KLHL22: variants seen among roughly 807,000 people sequenced by gnomAD.
The protein encoded by KLHL22 is kelch-like protein 22.
KLHL22 carries 18 observed loss-of-function variants against 60.7 expected under a neutral mutation model. The observed-to-expected ratio is 0.30, with a 90% CI of 0.20 to 0.44. KLHL22 has a LOEUF of 0.44. Among genes scored for constraint, KLHL22 ranks in the 20% least tolerant of loss-of-function variants. The pLI, the probability that KLHL22 is intolerant of heterozygous loss-of-function variation, is 1.00. For missense variants in KLHL22, 596 were observed against 852.3 expected (o/e 0.70, Z 3.74); for synonymous variants, 355 against 354.5 (o/e 1.00, Z -0.01).
Position 20,472,545 on chromosome 22 carries a change from G to A in KLHL22, c.228-1030C>T, listed in dbSNP as rs187259546. On this transcript the variant is annotated intron_variant, in intron 2 of 6. Transcript: ENST00000328879. ...GTTCAAGACCAGCCTGGCCAACATG[G>A]TGAAACCCCGTCTCTACTAAAAATA... Among the ~76,000 whole-genome samples, 6 of 152,288 alleles carry A rather than the reference G, an allele frequency of 3.9e-5. No individual in the cohort carries two copies. In the East Asian group the frequency reaches 1.2e-3, roughly 29 times the overall value.
chr22:20,489,978 C>G, intron 1 of KLHL22: 1 of 359,276 alleles, frequency 2.8e-6, no homozygotes, highest in South Asian at 2.1e-5. Context: ...AAACCGCAAA[C>G]TGATTTGAAT....
intron 4 of KLHL22, among the ~76,000 whole-genome samples, chr22:20,458,220 C>G (rs1048292813): frequency 6.6e-6 from 1 of 151,688 alleles, no homozygotes. Flanking sequence ...GAAGGAATGG[C>G]CAGGAGCCTC....
chr22:20,483,003 C>T (rs756110322), intron 2 of KLHL22: 2 of 703,232 alleles, frequency 2.8e-6, no homozygotes, highest in African/African-American at 1.7e-5. Context: ...TTGACCTTAA[C>T]GTTCACCAGG....
Position 20,442,203 on chromosome 22 carries a change from G to A in KLHL22, c.1775C>T (p.Thr592Ile), listed in dbSNP as rs1434006462. 1.2e-6 allele frequency: 2 copies of A among 1,600,112 alleles called. No homozygotes were observed. Among genetic ancestry groups the A allele is most frequent in the South Asian group, 1.1e-5 (1 of 88,806 alleles). The change falls in exon 7 of 7, where the codon ACC (threonine) becomes ATC (isoleucine). Residue 592 changes from threonine (T) to isoleucine (I), a missense_variant. By Grantham distance (89) the Thr-to-Ile change is moderately conservative. Coordinates refer to ENST00000328879, the MANE Select transcript of KLHL22 (RefSeq NM_032775.4). Reference protein sequence around the residue: ...SISGLAACVLTLPRSLLLEPP... With the variant: ...SISGLAACVLILPRSLLLEPP... ...CTCAAGGAGCAGGGAGCGGGGCAGG[G>A]TGAGCACACAGGCCGCCAGGCCTGA...
At chr22:20,493,091 T>G (rs1310606280) in intron 1 of KLHL22, 4 of 465,302 alleles carry the variant, frequency 8.6e-6, no homozygotes, top group African/African-American at 6.0e-5. Flanking sequence ...CCTCCTTCTC[T>G]GAGGGTGACC....
intron 3 of KLHL22, among the ~76,000 whole-genome samples, chr22:20,466,595 A>G (rs763855020): frequency 1.1e-4 from 17 of 152,132 alleles, no homozygotes; most frequent in Non-Finnish European, 1.9e-4. Flanking sequence ...GTTCCCTAGA[A>G]GTGCTCAGAG....
At chr22:20,451,659 G>A (rs938463913) in intron 5 of KLHL22, 26 of 1,605,720 alleles carry the variant, frequency 1.6e-5, no homozygotes, top group Non-Finnish European at 2.1e-5. Flanking sequence ...GCTATGTAGG[G>A]GCCACAGTGC....
chr22:20,456,693 G>A (rs1904979543), intron 5 of KLHL22, among the ~76,000 whole-genome samples: 1 of 152,370 alleles, frequency 6.6e-6, no homozygotes, highest in South Asian at 2.1e-4. Flanking sequence ...GCAAGGAGCA[G>A]GCCACAGCTT....
At chr22:20,483,784 G>C (rs1449191328) in intron 2 of KLHL22, 1 of 743,850 alleles carries the variant, frequency 1.3e-6, no homozygotes. Flanking sequence ...TTGCTCTCCA[G>C]CTTCCGGTTC....
chr22:20,485,842 TG>T (rs539201918), intron 2 of KLHL22, among the ~76,000 whole-genome samples: 401 of 151,148 alleles, frequency 2.7e-3, no homozygotes, highest in Non-Finnish European at 4.4e-3. Flanking sequence ...CACTTCAGCC[TG>T]GGGGACAGGG....
chr22:20,455,302 C>CA (rs1411909116), intron 5 of KLHL22, among the ~76,000 whole-genome samples: 1 of 152,232 alleles, frequency 6.6e-6, no homozygotes, highest in Non-Finnish European at 1.5e-5. Flanking sequence ...TGTGTGCCAG[C>CA]ACAGGCTACT....
chr22:20,466,640 C>A (rs961498858), intron 3 of KLHL22, among the ~76,000 whole-genome samples: 1 of 152,106 alleles, frequency 6.6e-6, no homozygotes, highest in Non-Finnish European at 1.5e-5. Flanking sequence ...CACCCAGGAA[C>A]CTGATTTAGA....
chr22:20,463,542 G>C, intron 4 of KLHL22, among the ~76,000 whole-genome samples: 1 of 152,230 alleles, frequency 6.6e-6, no homozygotes, highest in East Asian at 1.9e-4. Flanking sequence ...GATTGGCTTT[G>C]CAGGTCTGTA....
In KLHL22 at chr22:20,442,156, G is replaced by A. The variant is rs541501793; in HGVS notation, c.1822C>T (p.Arg608Cys). ...LLEPPRGTPD[R>C]SQADPDFASE... The stretch of plus-strand genomic sequence containing the variant: ...GCAAAGTCCGGGTCGGCCTGGCTGC[G>A]GTCAGGGGTCCCGCGGGGCGGCTCA... The change falls in exon 7 of 7, where the codon CGC (arginine) becomes TGC (cysteine). Residue 608 changes from arginine to cysteine, a missense_variant. Coordinates refer to ENST00000328879, the MANE Select transcript of KLHL22 (RefSeq NM_032775.4). 43 of 1,547,900 alleles carry A rather than the reference G, an allele frequency of 2.8e-5. 1 individual carries two copies. The highest frequency in any genetic ancestry group is 2.5e-4 in the South Asian group (20 of 80,484).
In KLHL22 at chr22:20,473,129, G is replaced by A. The variant is rs552805176; in HGVS notation, c.228-1614C>T. On this transcript the variant is annotated intron_variant, in intron 2 of 6. Transcript: ENST00000328879. ...AGTGATGTGAACTGACTGGCTTTCC[G>A]ACTCAGGTGCTGGAGGAGGAGCCCC... is the stretch of plus-strand genomic sequence containing the variant. Among the ~76,000 whole-genome samples, 13 of 152,308 alleles carry A rather than the reference G, an allele frequency of 8.5e-5. No homozygotes were observed. The South Asian group carries it at 2.7e-3, about 32-fold the overall frequency.
chr22:20,453,174 A>T (rs1319189802), intron 5 of KLHL22, among the ~76,000 whole-genome samples: 2 of 151,884 alleles, frequency 1.3e-5, no homozygotes, highest in Non-Finnish European at 2.9e-5. Flanking sequence ...AAGTGTACTG[A>T]CCTGTACTAC....
rs1235508327 is a variant in KLHL22 at position 20,451,731 on chromosome 22, A to G, written c.1306-5055T>C. On this transcript the variant is annotated intron_variant, in intron 5 of 6. Transcript: ENST00000328879. ...GTAAGTCCCTGCTAAGTAGCATTGA[A>G]TGTTACAACCCTATCATCAACAGCT... 3.2e-6 allele frequency: 5 copies of G among 1,571,386 alleles called. No individual in the cohort carries two copies. The East Asian group carries it at 1.1e-4, about 35-fold the overall frequency.
intron 4 of KLHL22, among the ~76,000 whole-genome samples, chr22:20,460,245 G>C (rs1282595444): frequency 1.3e-5 from 2 of 152,198 alleles, no homozygotes; most frequent in African/African-American, 4.8e-5. Context: ...GCTCCTGTTT[G>C]CTCCTTCGAG....
intron 3 of KLHL22, among the ~76,000 whole-genome samples, chr22:20,466,372 T>TAAAAAA (rs361874): frequency 4.2e-5 from 3 of 70,602 alleles, no homozygotes; most frequent in African/African-American, 1.1e-4. Context: ...AGACTCCGTC[T>TAAAAAA]AAAAAAAAAA....
Sources: gnomAD v4.1 joint callset for allele counts (sites outside exome capture counted in the v4.1 genomes callset) on GRCh38, gnomAD v4.1.1 for gene constraint, MANE v1.5 for transcripts, NCBI Gene and HGNC (gene_info 2026-07-23, HGNC 2026-07-21) for gene names.